The following ENTPD1 variants were observed in gnomAD, a reference collection of about 807,000 sequenced individuals.
ENTPD1 encodes the protein ATP diphosphohydrolase.
A neutral mutation model predicts 57.0 loss-of-function variants in ENTPD1; 33 were observed. The observed-to-expected ratio is 0.58, with a 90% CI of 0.44 to 0.77. ENTPD1 has a LOEUF of 0.77. Ranked by LOEUF, ENTPD1 falls within the 30% of genes least tolerant of loss-of-function variation. The pLI, the probability that ENTPD1 is intolerant of heterozygous loss-of-function variation, is 0.00. For missense variants in ENTPD1, 501 were observed against 603.4 expected (o/e 0.83, Z 1.78); for synonymous variants, 202 against 218.8 (o/e 0.92, Z 0.68).
At chr10:95,783,625 A>G (rs1330690914) in intron 1 of ENTPD1, among the ~76,000 whole-genome samples, 1 of 151,574 alleles carries the variant, frequency 6.6e-6, no homozygotes, top group Non-Finnish European at 1.5e-5. Context: ...AGGTTTTTAT[A>G]TTACCTTCTG....
intron 1 of ENTPD1, among the ~76,000 whole-genome samples, chr10:95,817,221 G>C (rs1202066456): frequency 6.6e-6 from 1 of 152,180 alleles, no homozygotes; most frequent in African/African-American, 2.4e-5. Flanking sequence ...AAGTCTAGAA[G>C]GCATTGAGAA....
At chr10:95,718,513 C>T (rs1347432055) in intron 1 of ENTPD1, among the ~76,000 whole-genome samples, 2 of 152,152 alleles carry the variant, frequency 1.3e-5, no homozygotes, top group African/African-American at 4.8e-5. Flanking sequence ...CAAGAATAAT[C>T]TCCTAATGGC....
rs1478683131 is a variant in ENTPD1, at chr10:95,876,108, ATAAC to A, written c.*9729_*9732del. On this transcript the variant is annotated 3_prime_UTR_variant, in exon 10 of 10. Coordinates refer to ENST00000371205, the MANE Select transcript of ENTPD1 (RefSeq NM_001776.6). Reference sequence around the variant, plus strand: ...CCTGAAATGCAGTCTATTATCATACATAACTAAAAATAGAGCCTCAATAAACAGA... The same window carrying A: ...CCTGAAATGCAGTCTATTATCATACATAAAAATAGAGCCTCAATAAACAGA... 2.0e-6 allele frequency: 2 copies of A among 985,444 alleles called. No homozygotes were observed. Among genetic ancestry groups the A allele is most frequent in the African/African-American group, 1.7e-5 (1 of 57,360 alleles). The allele number at this position is 985,444 out of a possible 1,614,324, so 61.0% of individuals were successfully genotyped here.
chr10:95,860,039 G>A (rs550560189), intron 7 of ENTPD1, among the ~76,000 whole-genome samples: 2 of 152,068 alleles, frequency 1.3e-5, no homozygotes, highest in African/African-American at 4.8e-5. Context: ...ATAGAAAATA[G>A]GCAAAAAATA....
rs192883430 is a variant in ENTPD1 at position 95,812,933 on chromosome 10, G to A, written c.17-10304G>A. ...ACACATATTTCTTTTTCTTTGAATT[G>A]CCTATTCATCTTCTTTGCCATTTTT... On this transcript the variant is annotated intron_variant, in intron 1 of 9. Transcript: ENST00000371205. Among the ~76,000 whole-genome samples the A allele has an allele frequency of 4.6e-5, 7 of 151,904 alleles. No individual in the cohort carries two copies. In the East Asian group the frequency reaches 1.2e-3, roughly 25 times the overall value.
chr10:95,739,809 C>T (rs2097998446), intron 1 of ENTPD1, among the ~76,000 whole-genome samples: 1 of 152,200 alleles, frequency 6.6e-6, no homozygotes, highest in Admixed American at 6.5e-5. Flanking sequence ...AACAGAGGAA[C>T]TATCTATGAT....
intron 2 of ENTPD1, among the ~76,000 whole-genome samples, chr10:95,826,532 A>ACTG (rs1374772863): frequency 6.7e-6 from 1 of 148,908 alleles, no homozygotes; most frequent in African/African-American, 2.5e-5. Context: ...AAGATCTGCC[A>ACTG]CTGCACTCTA....
intron 1 of ENTPD1, among the ~76,000 whole-genome samples, chr10:95,764,880 A>G (rs2098082440): frequency 6.6e-6 from 1 of 151,560 alleles, no homozygotes; most frequent in South Asian, 2.1e-4. Context: ...GTGCCACCAC[A>G]CCCGGCTAAT....
intron 1 of ENTPD1, among the ~76,000 whole-genome samples, chr10:95,738,655 C>G (rs938805991): frequency 1.3e-5 from 2 of 152,180 alleles, no homozygotes; most frequent in Admixed American, 1.3e-4. Context: ...ATAGGCTATG[C>G]ATACTCATGA....
chr10:95,761,442 G>A (rs542370222), intron 1 of ENTPD1, among the ~76,000 whole-genome samples: 1 of 152,226 alleles, frequency 6.6e-6, no homozygotes, highest in African/African-American at 2.4e-5. Flanking sequence ...ACTTTGACTG[G>A]CAATGTGGCA....
chr10:95,824,147 A>G (rs137972183), intron 2 of ENTPD1, among the ~76,000 whole-genome samples: 10 of 152,356 alleles, frequency 6.6e-5, no homozygotes, highest in African/African-American at 1.7e-4. Flanking sequence ...AAAAATTTAT[A>G]CTATAAATAC....
chr10:95,714,576 G>T (rs1306662187), intron 1 of ENTPD1, among the ~76,000 whole-genome samples: 1 of 152,040 alleles, frequency 6.6e-6, no homozygotes, highest in South Asian at 2.1e-4. Context: ...CTGAGTTTAA[G>T]ATTATGTTGA....
At chr10:95,734,852 T>C (rs933184599) in intron 1 of ENTPD1, among the ~76,000 whole-genome samples, 1 of 152,148 alleles carries the variant, frequency 6.6e-6, no homozygotes, top group Non-Finnish European at 1.5e-5. Context: ...ATCCCTTCGC[T>C]CTTTTAGTTC....
At chr10:95,713,363 ATTGTCTTAC>A (rs1286410892) in intron 1 of ENTPD1, among the ~76,000 whole-genome samples, 1 of 152,220 alleles carries the variant, frequency 6.6e-6, no homozygotes, top group Non-Finnish European at 1.5e-5. Flanking sequence ...ATTCTAAACA[ATTGTCTTAC>A]TTGTATTTAT....
In ENTPD1 at chr10:95,731,858, C is replaced by T. The variant is rs2097989668; in HGVS notation, c.37+19865C>T. 3.8e-5 allele frequency among the ~76,000 whole-genome samples: 5 copies of T among 131,532 alleles called. No individual in the cohort carries two copies. In the South Asian group the frequency reaches 1.0e-3, roughly 27 times the overall value. The allele number at this position is 131,532 out of a possible 152,430, so 86.3% of individuals were successfully genotyped here. On this transcript the variant is annotated intron_variant, in intron 1 of 9. Transcript: ENST00000453258. Reference sequence around the variant, plus strand: ...AATACAGTGGTGTGATCTCGGCTCACTGCAACCTCCGCCTCCTGGGTTCAA... The same window carrying T: ...AATACAGTGGTGTGATCTCGGCTCATTGCAACCTCCGCCTCCTGGGTTCAA...
At chr10:95,725,963 GC>G (rs2139839031) in intron 1 of ENTPD1, among the ~76,000 whole-genome samples, 1 of 152,340 alleles carries the variant, frequency 6.6e-6, no homozygotes, top group Admixed American at 6.5e-5. Context: ...GGTTGAGCCT[GC>G]CCTCTCTGGA....
intron 2 of ENTPD1, among the ~76,000 whole-genome samples, chr10:95,838,729 A>C (rs1405349289): frequency 1.3e-5 from 2 of 152,188 alleles, no homozygotes; most frequent in Admixed American, 1.3e-4. Flanking sequence ...ACATATGCAA[A>C]AATTTATTGA....
At chr10:95,739,213 C>T (rs376559847) in intron 1 of ENTPD1, among the ~76,000 whole-genome samples, 5 of 152,030 alleles carry the variant, frequency 3.3e-5, no homozygotes, top group African/African-American at 4.8e-5. Context: ...TGGTGGTTGC[C>T]GAAGGTTGGG....
chr10:95,729,950 C>T (rs1037124493), intron 1 of ENTPD1, among the ~76,000 whole-genome samples: 5 of 152,182 alleles, frequency 3.3e-5, no homozygotes, highest in Non-Finnish European at 7.3e-5. Flanking sequence ...AAGTCAGAAA[C>T]ACTGAAATCT....
Sources: allele counts gnomAD v4.1 joint callset (sites outside exome capture counted in the v4.1 genomes callset), GRCh38; gene constraint gnomAD v4.1.1; transcripts MANE v1.5; gene names NCBI Gene and HGNC (gene_info 2026-07-23, HGNC 2026-07-21).